Variants in SLC8A1 observed in about 807,000 individuals in gnomAD.
SLC8A1 encodes the protein solute carrier family 8 member A1.
A neutral mutation model predicts 68.3 loss-of-function variants in SLC8A1; 18 were observed. The observed-to-expected ratio is 0.26, with a 90% CI of 0.18 to 0.39. SLC8A1 has a LOEUF of 0.39. SLC8A1 is among the 10% of genes least tolerant of loss of function. The pLI, the probability that SLC8A1 is intolerant of heterozygous loss-of-function variation, is 1.00. For synonymous variants in SLC8A1, 475 were observed against 415.5 expected (o/e 1.14, Z -1.74); for missense variants, 985 against 1,156.7 (o/e 0.85, Z 2.15).
chr2:40,391,956 C>T (rs558671239), intron 2 of SLC8A1, among the ~76,000 whole-genome samples: 2 of 151,900 alleles, frequency 1.3e-5, no homozygotes, highest in Admixed American at 6.6e-5. Context: ...TACAAAGTAT[C>T]GATGATCAAA....
Position 40,212,119 on chromosome 2 carries a change from G to A in SLC8A1, c.1809-34264C>T, listed in dbSNP as rs192697208. Among the ~76,000 whole-genome samples the A allele has an allele frequency of 1.6e-3, 244 of 152,148 alleles. 1 individual carries two copies. The highest frequency in any genetic ancestry group is 3.1e-3 in the Non-Finnish European group (210 of 67,984). The stretch of plus-strand genomic sequence containing the variant: ...TTATGTAATTTAAATAAGCAATGAA[G>A]AGAGGAAGAGGAGGAAAAGGATTTC... On this transcript the variant is annotated intron_variant, in intron 2 of 7. Coordinates refer to ENST00000406785, the Ensembl canonical transcript of SLC8A1.
chr2:40,229,250 C>G (rs757992460), intron 2 of SLC8A1, among the ~76,000 whole-genome samples: 1 of 151,858 alleles, frequency 6.6e-6, no homozygotes. Context: ...TGGCTCATGA[C>G]CCTACTAAGT....
At chr2:40,108,713 T>G (rs2034377825) in exon 8 of SLC8A1, 1 of 152,172 alleles carries the variant, frequency 6.6e-6, no homozygotes. Context: ...TTTAGTTCAC[T>G]CTTTGTTTTT....
intron 7 of SLC8A1, among the ~76,000 whole-genome samples, chr2:40,124,182 T>C (rs2037550124): frequency 2.0e-5 from 3 of 152,312 alleles, no homozygotes; most frequent in South Asian, 4.1e-4. Flanking sequence ...AACAGAAACC[T>C]TCATTCTCAC....
At chr2:40,480,380 T>G in intron 1 of SLC8A1, among the ~76,000 whole-genome samples, 1 of 152,068 alleles carries the variant, frequency 6.6e-6, no homozygotes, top group East Asian at 1.9e-4. Flanking sequence ...AGTGTCCTTA[T>G]GAAAAAAAGT....
chr2:40,387,790 T>C (rs1323834871), intron 2 of SLC8A1, among the ~76,000 whole-genome samples: 4 of 146,134 alleles, frequency 2.7e-5, no homozygotes, highest in Middle Eastern at 3.4e-3. Flanking sequence ...ACACAAAAAT[T>C]AGCGGGTGTG....
intron 2 of SLC8A1, among the ~76,000 whole-genome samples, chr2:40,400,703 C>T (rs763692388): frequency 9.2e-5 from 14 of 152,052 alleles, no homozygotes; most frequent in Admixed American, 3.9e-4. Context: ...CAGAGAGCCA[C>T]GGAAAGAAAG....
chr2:40,436,538 G>A (rs573248519), intron 1 of SLC8A1, among the ~76,000 whole-genome samples: 1 of 152,024 alleles, frequency 6.6e-6, no homozygotes, highest in African/African-American at 2.4e-5. Context: ...CCACAACCTG[G>A]GTGTGTGTCT....
intron 2 of SLC8A1, among the ~76,000 whole-genome samples, chr2:40,344,158 G>T (rs1668528158): frequency 6.6e-6 from 1 of 152,136 alleles, no homozygotes; most frequent in Non-Finnish European, 1.5e-5. Context: ...TCAGCTGAGG[G>T]CATGGCATGA....
At chr2:40,244,247 G>C (rs1457586085) in intron 2 of SLC8A1, among the ~76,000 whole-genome samples, 1 of 152,184 alleles carries the variant, frequency 6.6e-6, no homozygotes, top group Non-Finnish European at 1.5e-5. Flanking sequence ...GATACATTAG[G>C]AAAGCGTCAG....
At chr2:40,246,228 G>A (rs980676993) in intron 2 of SLC8A1, among the ~76,000 whole-genome samples, 4 of 152,162 alleles carry the variant, frequency 2.6e-5, no homozygotes, top group African/African-American at 7.2e-5. Flanking sequence ...TACACTACAA[G>A]CATGTGGTAC....
intron 7 of SLC8A1, among the ~76,000 whole-genome samples, chr2:40,133,389 AT>A (rs1436856167): frequency 4.9e-4 from 3 of 6,118 alleles, no homozygotes; most frequent in African/African-American, 9.3e-4. Context: ...TATATACAAA[AT>A]TGGGGGGGGG....
At chr2:40,472,612 T>C (rs868584168) in intron 1 of SLC8A1, among the ~76,000 whole-genome samples, 164 of 152,258 alleles carry the variant, frequency 1.1e-3, no homozygotes, top group Middle Eastern at 0.01. Context: ...AAGTAGTCCT[T>C]TTGCTTTGGC....
intron 2 of SLC8A1, among the ~76,000 whole-genome samples, chr2:40,269,935 G>A (rs186581918): frequency 2.0e-5 from 3 of 152,216 alleles, no homozygotes; most frequent in Admixed American, 6.6e-5. Context: ...TGGCATGCAG[G>A]GTGAATGGCA....
chr2:40,420,035 A>G (rs1332989717), intron 2 of SLC8A1, among the ~76,000 whole-genome samples: 1 of 152,196 alleles, frequency 6.6e-6, no homozygotes, highest in African/African-American at 2.4e-5. Flanking sequence ...GTAACTGGAC[A>G]TTCATGTGAT....
intron 1 of SLC8A1, 23 bp from the exon 2 acceptor site, chr2:40,430,327 G>T: frequency 6.5e-7 from 1 of 1,545,514 alleles, no homozygotes; most frequent in Middle Eastern, 1.8e-4. Context: ...AGATGGGGGA[G>T]AGGGCAGAAA....
rs554037952 is a variant in SLC8A1 at position 40,431,778 on chromosome 2, C to T, written c.-24-1474G>A. Among the ~76,000 whole-genome samples, 133 of 152,184 alleles carry T rather than the reference C, an allele frequency of 8.7e-4. 4 individuals are homozygous for T. In the South Asian group the frequency reaches 0.027, roughly 31 times the overall value. On this transcript the variant is annotated intron_variant, in intron 1 of 7. Transcript: ENST00000406785. Reference sequence around the variant, plus strand: ...GGCTGGCTGAGAGCCACCCCACATTCGCCTACACTCTCTGGCTCATGTTTG... The same window carrying T: ...GGCTGGCTGAGAGCCACCCCACATTTGCCTACACTCTCTGGCTCATGTTTG...
chr2:40,364,126 T>G (rs920602518), intron 2 of SLC8A1, among the ~76,000 whole-genome samples: 3 of 152,086 alleles, frequency 2.0e-5, no homozygotes, highest in Non-Finnish European at 4.4e-5. Context: ...CTGATAAGTA[T>G]TTGCTCTTAG....
At position 40,506,197 on chromosome 2, in the gene SLC8A1, TA is replaced by T. The variant is rs1322229694; in HGVS notation, c.-25+6151del. Among the ~76,000 whole-genome samples, 6 of 151,782 alleles carry T rather than the reference TA, an allele frequency of 4.0e-5. No individual in the cohort carries two copies. In the East Asian group the frequency reaches 1.2e-3, roughly 29 times the overall value. ...CAACCAAATTTTGAAAACTGTGATT[TA>T]GAAGTTTACAACGTTGGTGAATTTT... On this transcript the variant is annotated intron_variant, in intron 1 of 7. Transcript: ENST00000402441.
Sources: allele counts gnomAD v4.1 joint callset (sites outside exome capture counted in the v4.1 genomes callset), GRCh38; gene constraint gnomAD v4.1.1; transcripts MANE v1.5; gene names NCBI Gene and HGNC (gene_info 2026-07-23, HGNC 2026-07-21).